Variants in PCBD2 observed in about 807,000 individuals in gnomAD.
PCBD2 encodes pterin-4-alpha-carbinolamine dehydratase 2.
A neutral mutation model predicts 16.4 loss-of-function variants in PCBD2; 12 were observed. The observed-to-expected ratio is 0.73, with a 90% CI of 0.47 to 1.19. PCBD2 has a LOEUF of 1.19. Ranked by LOEUF, PCBD2 falls within the 50% of genes most tolerant of loss-of-function variation. PCBD2 has a pLI of 0.00. For synonymous variants in PCBD2, 58 were observed against 61.8 expected (o/e 0.94, Z 0.29); for missense variants, 138 against 156.8 (o/e 0.88, Z 0.64).
At chr5:134,919,432 G>A (rs1750876181) in intron 2 of PCBD2, among the ~76,000 whole-genome samples, 1 of 152,084 alleles carries the variant, frequency 6.6e-6, no homozygotes, top group South Asian at 2.1e-4. Flanking sequence ...TATCATATAA[G>A]TACCATAATT....
At chr5:134,913,843 G>A (rs1464151186) in intron 2 of PCBD2, among the ~76,000 whole-genome samples, 1 of 152,164 alleles carries the variant, frequency 6.6e-6, no homozygotes, top group Non-Finnish European at 1.5e-5. Context: ...TGTGATAGGG[G>A]AGGGTCAAGG....
intron 2 of PCBD2, among the ~76,000 whole-genome samples, chr5:134,951,877 A>G (rs935932645): frequency 2.4e-4 from 37 of 152,124 alleles, no homozygotes; most frequent in Admixed American, 2.4e-3. Flanking sequence ...TATACTGCAA[A>G]TATAATTTGT....
At chr5:134,928,332 A>G (rs896936772) in intron 2 of PCBD2, 109 of 382,824 alleles carry the variant, frequency 2.8e-4, no homozygotes, top group Middle Eastern at 2.0e-3. Flanking sequence ...GGCATTTGGT[A>G]AATATGATTA....
At chr5:134,935,358 T>A (rs1580888156) in intron 2 of PCBD2, among the ~76,000 whole-genome samples, 1 of 152,334 alleles carries the variant, frequency 6.6e-6, no homozygotes, top group East Asian at 1.9e-4. Flanking sequence ...CCCTCATCCC[T>A]TTCCCTCCTT....
intron 1 of PCBD2, among the ~76,000 whole-genome samples, chr5:134,909,267 G>T (rs545080159): frequency 6.6e-6 from 1 of 152,300 alleles, no homozygotes; most frequent in African/African-American, 2.4e-5. Flanking sequence ...TCTGACTGGT[G>T]CTCTGAGAAG....
intron 2 of PCBD2, among the ~76,000 whole-genome samples, chr5:134,919,186 AAC>A (rs1271298477): frequency 6.6e-6 from 1 of 152,238 alleles, no homozygotes; most frequent in Non-Finnish European, 1.5e-5. Flanking sequence ...TAATTTCCTC[AAC>A]AGTCTTTGTC....
At chr5:134,920,382 T>G (rs1750888360) in intron 2 of PCBD2, among the ~76,000 whole-genome samples, 1 of 152,208 alleles carries the variant, frequency 6.6e-6, no homozygotes, top group Admixed American at 6.5e-5. Flanking sequence ...AGGTTGTTTT[T>G]TTGATTTTGT....
rs377235537 is a variant in PCBD2 at position 134,913,481 on chromosome 5, G to A, written c.216+3015G>A. ...GGCATGATTGAGCCAGAAGCAGAAGGCCAGTGTGGAGTGGAGCAGGCGAGG... is the reference window on the plus strand; with the variant it reads ...GGCATGATTGAGCCAGAAGCAGAAGACCAGTGTGGAGTGGAGCAGGCGAGG... On this transcript the variant is annotated intron_variant, in intron 2 of 3. Coordinates refer to ENST00000254908, the MANE Select transcript of PCBD2 (RefSeq NM_032151.5). 7.2e-5 allele frequency among the ~76,000 whole-genome samples: 11 copies of A among 152,220 alleles called. No individual in the cohort carries two copies. In the East Asian group the frequency reaches 7.7e-4, roughly 11 times the overall value.
At chr5:134,928,494 T>A in intron 2 of PCBD2, 1 of 305,444 alleles carries the variant, frequency 3.3e-6, no homozygotes, top group Non-Finnish European at 6.0e-6. Flanking sequence ...GGTAAGTTAG[T>A]TGTTTGTAGG....
intron 2 of PCBD2, chr5:134,923,512 TA>T: frequency 3.5e-6 from 1 of 282,572 alleles, no homozygotes; most frequent in Non-Finnish European, 6.6e-6. Context: ...AAGTGAAAGG[TA>T]AAGAACCGTG....
At chr5:134,930,440 C>T (rs1751080075) in intron 2 of PCBD2, among the ~76,000 whole-genome samples, 1 of 152,200 alleles carries the variant, frequency 6.6e-6, no homozygotes, top group South Asian at 2.1e-4. Flanking sequence ...CCCTCATCTC[C>T]TTACTCCTAG....
At chr5:134,953,565 C>T (rs1021071782) in intron 2 of PCBD2, among the ~76,000 whole-genome samples, 19 of 152,148 alleles carry the variant, frequency 1.2e-4, no homozygotes, top group South Asian at 6.2e-4. Flanking sequence ...AAGGCCGAGG[C>T]GGGCGGATCA....
chr5:134,940,259 G>T (rs1751209697), intron 2 of PCBD2, among the ~76,000 whole-genome samples: 1 of 152,142 alleles, frequency 6.6e-6, no homozygotes, highest in Non-Finnish European at 1.5e-5. Context: ...CAATTGTAAG[G>T]CATGATTTTC....
chr5:134,926,831 GA>G (rs1751006352), intron 2 of PCBD2: 2 of 398,026 alleles, frequency 5.0e-6, no homozygotes, highest in African/African-American at 4.1e-5. Flanking sequence ...ATAGGGCTGT[GA>G]TTAGTATGTT....
chr5:134,951,924 C>T (rs1371800614), intron 2 of PCBD2, among the ~76,000 whole-genome samples: 1 of 151,910 alleles, frequency 6.6e-6, no homozygotes, highest in African/African-American at 2.4e-5. Context: ...GATTTTATTA[C>T]CATACAGAAA....
chr5:134,925,934 G>A (rs999798007), intron 2 of PCBD2: 4 of 390,974 alleles, frequency 1.0e-5, no homozygotes, highest in East Asian at 3.6e-5. Flanking sequence ...TCGCCGATAC[G>A]GTTGTATAGG....
intron 1 of PCBD2, among the ~76,000 whole-genome samples, chr5:134,909,375 G>A (rs1216608289): frequency 6.6e-6 from 1 of 152,238 alleles, no homozygotes; most frequent in Admixed American, 6.5e-5. Flanking sequence ...CTATGTAAAT[G>A]TGCATTTGTT....
intron 2 of PCBD2, among the ~76,000 whole-genome samples, chr5:134,941,083 C>T (rs1037492272): frequency 2.1e-5 from 3 of 141,978 alleles, no homozygotes; most frequent in Non-Finnish European, 4.5e-5. Context: ...CCACTGCACT[C>T]GAGCCTGGGC....
intron 2 of PCBD2, chr5:134,928,076 G>A (rs1222178484): frequency 1.8e-5 from 7 of 393,950 alleles, no homozygotes; most frequent in African/African-American, 4.1e-5. Context: ...TAGGCCATAC[G>A]TGTTGGAGAT....
Sources: gnomAD v4.1 joint callset for allele counts (sites outside exome capture counted in the v4.1 genomes callset) on GRCh38, gnomAD v4.1.1 for gene constraint, MANE v1.5 for transcripts, NCBI Gene and HGNC (gene_info 2026-07-23, HGNC 2026-07-21) for gene names.